Variants in SOX5 observed in about 807,000 individuals in gnomAD.
SOX5 encodes transcription factor SOX-5.
In SOX5, 9 loss-of-function variants were observed where a neutral mutation model predicts 92.0. That is an observed-to-expected ratio of 0.10 (90% confidence interval 0.06 to 0.17). SOX5 has a LOEUF of 0.17. Ranked by LOEUF, SOX5 falls within the 10% of genes least tolerant of loss-of-function variation. The pLI is 1.00. For missense variants in SOX5, 642 were observed against 944.5 expected (o/e 0.68, Z 4.20); for synonymous variants, 344 against 336.3 (o/e 1.02, Z -0.25).
chr12:23,830,433 G>A lies in SOX5; in HGVS notation c.481+15550C>T, dbSNP rs546944313. ...ATTAGGAGTAGCCTCCAACAGCAGC[G>A]GGAGTGTGAGGAACAAAACTTAAAA... is the stretch of plus-strand genomic sequence containing the variant. On this transcript the variant is annotated intron_variant, in intron 3 of 14. Coordinates refer to ENST00000451604, the MANE Select transcript of SOX5 (RefSeq NM_006940.6). 3.9e-5 allele frequency among the ~76,000 whole-genome samples: 6 copies of A among 152,154 alleles called. No homozygotes were observed. The East Asian group carries it at 5.8e-4, about 15-fold the overall frequency.
intron 2 of SOX5, among the ~76,000 whole-genome samples, chr12:23,881,995 G>A (rs2096997184): frequency 6.6e-6 from 1 of 152,114 alleles, no homozygotes; most frequent in East Asian, 1.9e-4. Flanking sequence ...AGTACATTAG[G>A]AAAGTGACAA....
At position 23,871,396 on chromosome 12, in the gene SOX5, A is replaced by C. The variant is rs886410387; in HGVS notation, c.270+24397T>G. Among the ~76,000 whole-genome samples, 3 of 152,174 alleles carry C rather than the reference A, an allele frequency of 2.0e-5. No individual in the cohort carries two copies. In the East Asian group the frequency reaches 5.8e-4, roughly 29 times the overall value. On this transcript the variant is annotated intron_variant, in intron 2 of 14. Transcript: ENST00000451604. The stretch of plus-strand genomic sequence containing the variant: ...CAATATCAATTCAAGCTACTAAAGG[A>C]TTGTGATAACAAACTGACCTGTAAA...
chr12:23,872,429 T>C (rs1271041696), intron 2 of SOX5, among the ~76,000 whole-genome samples: 1 of 152,072 alleles, frequency 6.6e-6, no homozygotes, highest in Non-Finnish European at 1.5e-5. Context: ...CAAGCACACA[T>C]GTCACCAGAC....
intron 1 of SOX5, among the ~76,000 whole-genome samples, chr12:24,431,026 G>T (rs1938201693): frequency 6.6e-6 from 1 of 152,108 alleles, no homozygotes; most frequent in Non-Finnish European, 1.5e-5. Context: ...GTCAAAATAT[G>T]CCCCCCTTCC....
intron 2 of SOX5, among the ~76,000 whole-genome samples, chr12:24,295,163 A>G (rs1218896419): frequency 6.6e-6 from 1 of 152,118 alleles, no homozygotes; most frequent in Admixed American, 6.6e-5. Context: ...AGTAAATATA[A>G]GTATATATGA....
chr12:24,286,453 A>G (rs1945873234), intron 2 of SOX5, among the ~76,000 whole-genome samples: 1 of 152,206 alleles, frequency 6.6e-6, no homozygotes, highest in South Asian at 2.1e-4. Flanking sequence ...ATAAAGTACA[A>G]TCAGATATTT....
At chr12:23,551,021 A>T (rs1033953466) in intron 11 of SOX5, among the ~76,000 whole-genome samples, 2 of 151,982 alleles carry the variant, frequency 1.3e-5, no homozygotes, top group Non-Finnish European at 2.9e-5. Flanking sequence ...ACACACATAC[A>T]CAAAGAGATA....
intron 4 of SOX5, among the ~76,000 whole-genome samples, chr12:24,003,673 C>T (rs1951847884): frequency 6.6e-6 from 1 of 151,784 alleles, no homozygotes; most frequent in Non-Finnish European, 1.5e-5. Flanking sequence ...AAATGATATT[C>T]CATGTTCATA....
At chr12:24,228,817 A>C (rs1362815690) in intron 3 of SOX5, among the ~76,000 whole-genome samples, 1 of 152,188 alleles carries the variant, frequency 6.6e-6, no homozygotes, top group East Asian at 1.9e-4. Context: ...TGTGTGCGGC[A>C]CTGGCTGCTG....
intron 4 of SOX5, among the ~76,000 whole-genome samples, chr12:24,133,528 T>A (rs952122231): frequency 8.5e-5 from 13 of 152,146 alleles, no homozygotes; most frequent in African/African-American, 3.1e-4. Flanking sequence ...ATGTGGTTCT[T>A]TCATGTGTAA....
At chr12:24,210,718 G>A (rs1409493094) in intron 4 of SOX5, among the ~76,000 whole-genome samples, 2 of 152,038 alleles carry the variant, frequency 1.3e-5, no homozygotes, top group Non-Finnish European at 2.9e-5. Flanking sequence ...AAACTCAAGA[G>A]AATTCTGTGA....
chr12:23,971,512 G>C (rs890434613), intron 4 of SOX5, among the ~76,000 whole-genome samples: 2 of 150,028 alleles, frequency 1.3e-5, no homozygotes, highest in African/African-American at 4.9e-5. Flanking sequence ...ACAGTGGAGA[G>C]GTTTACTTCC....
intron 3 of SOX5, among the ~76,000 whole-genome samples, chr12:23,777,180 A>G (rs1480188214): frequency 6.6e-6 from 1 of 152,200 alleles, no homozygotes; most frequent in East Asian, 1.9e-4. Flanking sequence ...AGGCAGCTCA[A>G]GATTACATAG....
At chr12:23,852,288 C>T (rs2096641887) in intron 2 of SOX5, among the ~76,000 whole-genome samples, 1 of 152,028 alleles carries the variant, frequency 6.6e-6, no homozygotes, top group Non-Finnish European at 1.5e-5. Flanking sequence ...TAATTTGTGT[C>T]TTTAAGGCAG....
chr12:24,040,621 C>G (rs1569516813), intron 4 of SOX5, among the ~76,000 whole-genome samples: 1 of 152,116 alleles, frequency 6.6e-6, no homozygotes, highest in Non-Finnish European at 1.5e-5. Flanking sequence ...GCCTGTAATC[C>G]CAGCACTTTG....
At chr12:24,363,781 G>A (rs528399936) in intron 2 of SOX5, among the ~76,000 whole-genome samples, 25 of 151,820 alleles carry the variant, frequency 1.6e-4, no homozygotes, top group African/African-American at 5.6e-4. Flanking sequence ...GCAGGTGTCT[G>A]TAGTATGATT....
chr12:23,557,786 G>T (rs186412475), intron 11 of SOX5, among the ~76,000 whole-genome samples: 97 of 152,016 alleles, frequency 6.4e-4, no homozygotes, highest in Non-Finnish European at 1.5e-5. Context: ...CCATCCTGGC[G>T]ACCATGGTGA....
chr12:24,042,613 G>A (rs1746403344), intron 4 of SOX5, among the ~76,000 whole-genome samples: 1 of 152,000 alleles, frequency 6.6e-6, no homozygotes, highest in African/African-American at 2.4e-5. Context: ...TGTATCATTT[G>A]CTTTAGTGAT....
intron 4 of SOX5, among the ~76,000 whole-genome samples, chr12:24,190,902 C>T (rs1420627878): frequency 2.6e-5 from 4 of 151,954 alleles, no homozygotes; most frequent in African/African-American, 9.7e-5. Context: ...TGGGAGAAAA[C>T]AGAATCAAAT....
Sources: allele counts gnomAD v4.1 joint callset (sites outside exome capture counted in the v4.1 genomes callset), GRCh38; gene constraint gnomAD v4.1.1; transcripts MANE v1.5; gene names NCBI Gene and HGNC (gene_info 2026-07-23, HGNC 2026-07-21).